Variants in AIG1 observed in about 807,000 individuals in gnomAD.
AIG1 encodes androgen-induced gene 1 protein.
In AIG1, 23 loss-of-function variants were observed where a neutral mutation model predicts 31.4. The observed-to-expected ratio is 0.73, with a 90% confidence interval of 0.53 to 1.04. The LOEUF is 1.04. Among genes scored for constraint, AIG1 ranks in the 50% least tolerant of loss-of-function variants. The pLI is 0.00. For missense variants in AIG1, 274 were observed against 295.0 expected (o/e 0.93, Z 0.52); for synonymous variants, 100 against 110.5 (o/e 0.90, Z 0.60).
intron 1 of AIG1, among the ~76,000 whole-genome samples, chr6:143,112,864 A>T (rs1781409576): frequency 6.6e-6 from 1 of 152,210 alleles, no homozygotes; most frequent in Non-Finnish European, 1.5e-5. Flanking sequence ...GGACCCAAAC[A>T]TGTAAATAAA....
intron 1 of AIG1, among the ~76,000 whole-genome samples, chr6:143,065,813 G>A (rs1776650103): frequency 2.0e-5 from 3 of 152,166 alleles, no homozygotes; most frequent in Admixed American, 2.0e-4. Flanking sequence ...CAACTTCTTT[G>A]AAAACCATGA....
chr6:143,299,432 C>G lies in AIG1; in HGVS notation c.515+15207C>G, dbSNP rs918931278. Reference sequence around the variant, plus strand: ...TCTACCAGCAGTATATGACCAGAAGCATTACAGGAACAGCATGGCTGGAAT... The same window carrying G: ...TCTACCAGCAGTATATGACCAGAAGGATTACAGGAACAGCATGGCTGGAAT... On this transcript the variant is annotated intron_variant, in intron 4 of 5. Transcript: ENST00000357847. The surrounding 1 kb of genome is among the most constrained non-coding windows in gnomAD (Gnocchi z 4.1). 6.6e-6 allele frequency: 1 copy of G among 152,096 alleles called. No individual in the cohort carries two copies. The highest frequency in any genetic ancestry group is 1.5e-5 in the Non-Finnish European group (1 of 68,030). The allele number at this position is 152,096 out of a possible 1,614,324, so 9.4% of individuals were successfully genotyped here. A position where few individuals can be genotyped will look rare whatever the true frequency, so the allele number is the denominator to read the frequency against.
chr6:143,127,065 G>A (rs117645956), intron 1 of AIG1, among the ~76,000 whole-genome samples: 4 of 152,132 alleles, frequency 2.6e-5, no homozygotes, highest in Non-Finnish European at 5.9e-5. Context: ...GATTTTATAT[G>A]TAGATAGACT....
rs372373151 is a variant in AIG1 at position 143,308,895 on chromosome 6, AGT to A, written c.516-24384_516-24383del. On this transcript the variant is annotated intron_variant, in intron 4 of 5. Coordinates refer to ENST00000357847, the MANE Select transcript of AIG1 (RefSeq NM_016108.4). Reference sequence around the variant, plus strand: ...TTTAGCCTTTATCATAAACAGTCTGAGTGTAACATCCATAGGGGTGTGTAAAG... The same window carrying A: ...TTTAGCCTTTATCATAAACAGTCTGAGTAACATCCATAGGGGTGTGTAAAG... 5.9e-5 allele frequency among the ~76,000 whole-genome samples: 9 copies of A among 152,234 alleles called. No homozygotes were observed. The South Asian group carries it at 1.7e-3, about 28-fold the overall frequency.
intron 1 of AIG1, among the ~76,000 whole-genome samples, chr6:143,110,883 A>G (rs1311132557): frequency 6.6e-6 from 1 of 152,216 alleles, no homozygotes; most frequent in African/African-American, 2.4e-5. Context: ...TATCTGAAGT[A>G]CATTCATTGA....
intron 3 of AIG1, among the ~76,000 whole-genome samples, chr6:143,202,032 G>A (rs1460004405): frequency 2.0e-5 from 3 of 152,048 alleles, no homozygotes; most frequent in Admixed American, 6.6e-5. Flanking sequence ...TTAGTAAATG[G>A]CACAAAGATA....
chr6:143,236,535 A>C (rs766768333), intron 3 of AIG1, among the ~76,000 whole-genome samples: 71 of 152,042 alleles, frequency 4.7e-4, no homozygotes, highest in Non-Finnish European at 7.8e-4. Context: ...CACTTTAGAG[A>C]GCTTCACACC....
intron 3 of AIG1, among the ~76,000 whole-genome samples, chr6:143,271,389 C>T (rs1029975323): frequency 7.2e-5 from 11 of 152,156 alleles, no homozygotes; most frequent in South Asian, 6.2e-4. Context: ...AGGATTATAA[C>T]GGGTTCTCAT....
Position 143,203,173 on chromosome 6 carries a change from TAAC to T in AIG1, c.399+37991_399+37993del, listed in dbSNP as rs905732553. On this transcript the variant is annotated intron_variant, in intron 3 of 5. Coordinates refer to ENST00000357847, the MANE Select transcript of AIG1 (RefSeq NM_016108.4). ...TTAAATTCTGAATATGACTGCAAAA[TAAC>T]TGAACAAGATTTAATCTCTTGGAAA... 1.2e-3 allele frequency among the ~76,000 whole-genome samples: 185 copies of T among 152,260 alleles called. 1 individual carries two copies. Among genetic ancestry groups the T allele is most frequent in the African/African-American group, 4.3e-3 (178 of 41,554 alleles).
chr6:143,239,511 G>A (rs889453137), intron 3 of AIG1, among the ~76,000 whole-genome samples: 3 of 152,192 alleles, frequency 2.0e-5, no homozygotes, highest in Non-Finnish European at 4.4e-5. Flanking sequence ...CCACTGGCTG[G>A]AACAGCAGCC....
chr6:143,076,204 A>G (rs758585502), intron 1 of AIG1, among the ~76,000 whole-genome samples: 2 of 152,194 alleles, frequency 1.3e-5, no homozygotes, highest in Non-Finnish European at 2.9e-5. Context: ...TTCCTAATTC[A>G]GTTTTATTAG....
At chr6:143,070,985 A>T (rs1454448206) in intron 1 of AIG1, among the ~76,000 whole-genome samples, 2 of 152,264 alleles carry the variant, frequency 1.3e-5, no homozygotes, top group Non-Finnish European at 2.9e-5. Context: ...GCAAAACTGT[A>T]TTATAATATC....
intron 3 of AIG1, among the ~76,000 whole-genome samples, chr6:143,234,336 A>G (rs185686566): frequency 7.9e-5 from 12 of 152,366 alleles, no homozygotes; most frequent in African/African-American, 2.9e-4. Context: ...GAAAATTGCA[A>G]CAATGAGATT....
At chr6:143,172,611 C>G (rs1332054253) in intron 3 of AIG1, among the ~76,000 whole-genome samples, 1 of 152,138 alleles carries the variant, frequency 6.6e-6, no homozygotes, top group Admixed American at 6.5e-5. Flanking sequence ...CCCTCTTTCT[C>G]TATCTTTTGG....
In AIG1 at chr6:143,304,199, T is replaced by G. The variant is rs60298177; in HGVS notation, c.515+19974T>G. On this transcript the variant is annotated intron_variant, in intron 4 of 5. Coordinates refer to ENST00000357847, the MANE Select transcript of AIG1 (RefSeq NM_016108.4). ...GGGACAATTTGACTTCCTCTTTTCCTAATTGAATACCCTTTATTTCCTTCT... is the reference window on the plus strand; with the variant it reads ...GGGACAATTTGACTTCCTCTTTTCCGAATTGAATACCCTTTATTTCCTTCT... 6.0e-3 allele frequency among the ~76,000 whole-genome samples: 913 copies of G among 152,196 alleles called. 9 individuals are homozygous for G. Among genetic ancestry groups the G allele is most frequent in the African/African-American group, 0.021 (880 of 41,516 alleles).
intron 3 of AIG1, among the ~76,000 whole-genome samples, chr6:143,266,116 G>A (rs539757875): frequency 1.5e-3 from 234 of 152,278 alleles, no homozygotes; most frequent in African/African-American, 5.4e-3. Flanking sequence ...GTGGGAGGCC[G>A]AGGCAGGTGG....
intron 4 of AIG1, among the ~76,000 whole-genome samples, chr6:143,321,139 A>C: frequency 6.6e-6 from 1 of 151,630 alleles, no homozygotes; most frequent in East Asian, 1.9e-4. Context: ...TCTTATGTTA[A>C]ATGTTTGTAT....
intron 2 of AIG1, among the ~76,000 whole-genome samples, chr6:143,138,162 A>G (rs183298719): frequency 2.0e-5 from 3 of 152,188 alleles, no homozygotes; most frequent in East Asian, 1.9e-4. Context: ...ATTTGTTGAC[A>G]CTCCTCATTC....
chr6:143,342,109 G>A, downstream of AIG1: 1 of 435,420 alleles, frequency 2.3e-6, no homozygotes, highest in Non-Finnish European at 4.2e-6. Context: ...ACTTTTCGTA[G>A]AGACGGGTTT....
Sources: gnomAD v4.1 joint callset for allele counts (sites outside exome capture counted in the v4.1 genomes callset) on GRCh38, gnomAD v4.1.1 for gene constraint, Gnocchi (gnomAD v3.1) non-coding constraint, MANE v1.5 for transcripts, NCBI Gene and HGNC (gene_info 2026-07-23, HGNC 2026-07-21) for gene names.